GLIS3: variants seen among roughly 807,000 people sequenced by gnomAD.
The protein encoded by GLIS3 is zinc finger protein GLIS3.
A neutral mutation model predicts 78.6 loss-of-function variants in GLIS3; 53 were observed. The observed-to-expected ratio is 0.67, with a 90% confidence interval of 0.54 to 0.85. The LOEUF is 0.85. Ranked by LOEUF, GLIS3 falls within the 40% of genes least tolerant of loss-of-function variation. GLIS3 has a pLI of 0.00. For synonymous variants in GLIS3, 684 were observed against 509.9 expected (o/e 1.34, Z -4.60); for missense variants, 1,703 against 1,231.1 (o/e 1.38, Z -5.74).
chr9:3,888,759 T>G (rs1822239825), intron 7 of GLIS3, among the ~76,000 whole-genome samples: 1 of 152,172 alleles, frequency 6.6e-6, no homozygotes, highest in South Asian at 2.1e-4. Context: ...CTTACTTTAC[T>G]CTCAAGATAG....
intron 4 of GLIS3, among the ~76,000 whole-genome samples, chr9:4,059,964 C>A (rs1234101028): frequency 6.6e-6 from 1 of 151,914 alleles, no homozygotes; most frequent in Non-Finnish European, 1.5e-5. Context: ...AGGTTCCTTG[C>A]AACTTTCTAC....
intron 2 of GLIS3, among the ~76,000 whole-genome samples, chr9:4,232,628 A>G (rs1822372219): frequency 6.6e-6 from 1 of 152,212 alleles, no homozygotes; most frequent in African/African-American, 2.4e-5. Flanking sequence ...TTATACCAGT[A>G]CTAGCAACAG....
At chr9:3,866,557 G>C (rs1820601485) in intron 8 of GLIS3, among the ~76,000 whole-genome samples, 1 of 152,170 alleles carries the variant, frequency 6.6e-6, no homozygotes, top group African/African-American at 2.4e-5. Context: ...ACAAAGGAAG[G>C]CACAGGTCAT....
intron 4 of GLIS3, among the ~76,000 whole-genome samples, chr9:4,014,001 C>G (rs946125650): frequency 1.4e-4 from 21 of 152,284 alleles, no homozygotes; most frequent in African/African-American, 4.8e-4. Flanking sequence ...TACCACGTGG[C>G]TCACCGTGAT....
chr9:4,278,147 G>A (rs988801395), intron 2 of GLIS3, among the ~76,000 whole-genome samples: 2 of 152,216 alleles, frequency 1.3e-5, no homozygotes, highest in Non-Finnish European at 2.9e-5. Context: ...TGACAAGTGT[G>A]CAACAAGATA....
At chr9:3,914,323 A>T (rs1824354274) in intron 6 of GLIS3, among the ~76,000 whole-genome samples, 1 of 98,226 alleles carries the variant, frequency 1.0e-5, no homozygotes. Context: ...GTTTTTTCAG[A>T]TTTTTGGATT....
At chr9:4,148,301 A>G (rs1287730066) in intron 2 of GLIS3, among the ~76,000 whole-genome samples, 1 of 152,012 alleles carries the variant, frequency 6.6e-6, no homozygotes, top group Non-Finnish European at 1.5e-5. Context: ...TGAATTCACC[A>G]CTATGGTTCT....
the GLIS3 span, among the ~76,000 whole-genome samples, chr9:4,375,043 T>C: frequency 6.6e-6 from 1 of 152,252 alleles, no homozygotes; most frequent in African/African-American, 2.4e-5. Flanking sequence ...TTCACTATTA[T>C]TATAAAATGA....
chr9:4,460,547 AC>A, the GLIS3 span, among the ~76,000 whole-genome samples: 1 of 151,784 alleles, frequency 6.6e-6, no homozygotes, highest in Non-Finnish European at 1.5e-5. Flanking sequence ...CAGGAAAAAC[AC>A]AATTCCCCCC....
intron 4 of GLIS3, among the ~76,000 whole-genome samples, chr9:4,042,274 C>T (rs534065158): frequency 2.0e-5 from 3 of 152,066 alleles, no homozygotes; most frequent in Non-Finnish European, 4.4e-5. Context: ...TGCAAGTATC[C>T]AAGATGTAAA....
intron 4 of GLIS3, among the ~76,000 whole-genome samples, chr9:4,012,582 T>G (rs989197874): frequency 1.2e-4 from 19 of 152,128 alleles, no homozygotes; most frequent in African/African-American, 4.6e-4. Context: ...GATTCATGTT[T>G]CTGTTGGACT....
chr9:4,369,478 C>A, the GLIS3 span, among the ~76,000 whole-genome samples: 1,232 of 152,326 alleles, frequency 8.1e-3, 21 homozygotes, highest in African/African-American at 0.029. Context: ...TCTAGGACTT[C>A]TACCTGTAAG....
intron 4 of GLIS3, among the ~76,000 whole-genome samples, chr9:4,002,204 G>A (rs959896024): frequency 1.3e-5 from 2 of 152,188 alleles, no homozygotes; most frequent in Non-Finnish European, 2.9e-5. Flanking sequence ...AGTGACATGA[G>A]TAAGAGGTCA....
At chr9:4,362,480 C>T in the GLIS3 span, among the ~76,000 whole-genome samples, 4 of 152,182 alleles carry the variant, frequency 2.6e-5, no homozygotes, top group Non-Finnish European at 4.4e-5. Context: ...CTTTCCATCT[C>T]GGCATGGGGC....
At chr9:4,161,837 C>A (rs998995795) in intron 2 of GLIS3, among the ~76,000 whole-genome samples, 4 of 101,512 alleles carry the variant, frequency 3.9e-5, no homozygotes, top group African/African-American at 1.5e-4. Flanking sequence ...ATGTCACACC[C>A]AGCTAATTTT....
At chr9:4,424,394 T>C in the GLIS3 span, among the ~76,000 whole-genome samples, 1 of 152,198 alleles carries the variant, frequency 6.6e-6, no homozygotes. Flanking sequence ...TCTGCCTCTT[T>C]AATTAGAATA....
chr9:3,996,592 T>C (rs1281706525), intron 4 of GLIS3, among the ~76,000 whole-genome samples: 1 of 152,174 alleles, frequency 6.6e-6, no homozygotes, highest in East Asian at 1.9e-4. Flanking sequence ...GATATGGTTA[T>C]GGTAGCAAAT....
rs535450233 is a variant in GLIS3, at chr9:4,140,260, G to T, written c.389-14319C>A. On this transcript the variant is annotated intron_variant, in intron 2 of 10. Coordinates refer to ENST00000381971, the MANE Select transcript of GLIS3 (RefSeq NM_001042413.2). ...AATTGCTTGAACCTGGGAGGTCAAG[G>T]CTGCAGTGAGCCAGGATGGCACCAC... Among the ~76,000 whole-genome samples, 11 of 152,198 alleles carry T rather than the reference G, an allele frequency of 7.2e-5. No homozygotes were observed. In the South Asian group the frequency reaches 2.3e-3, roughly 32 times the overall value.
At chr9:4,320,924 G>A (rs148911265) in intron 2 of GLIS3, among the ~76,000 whole-genome samples, 2 of 152,030 alleles carry the variant, frequency 1.3e-5, no homozygotes, top group African/African-American at 4.8e-5. Flanking sequence ...TTGAAAGTCT[G>A]TCTCCTGCTT....
Sources: allele counts gnomAD v4.1 joint callset (sites outside exome capture counted in the v4.1 genomes callset), GRCh38; gene constraint gnomAD v4.1.1; transcripts MANE v1.5; gene names NCBI Gene and HGNC (gene_info 2026-07-23, HGNC 2026-07-21).